The following MTA1 variants were observed in gnomAD, a reference collection of about 807,000 sequenced individuals.
The protein encoded by MTA1 is metastasis-associated protein MTA1.
In MTA1, 15 loss-of-function variants were observed where a neutral mutation model predicts 97.0. The observed-to-expected ratio is 0.15, with a 90% CI of 0.10 to 0.24. MTA1 has a LOEUF of 0.24. Ranked by LOEUF, MTA1 falls within the 10% of genes least tolerant of loss-of-function variation. The pLI is 1.00. For missense variants in MTA1, 709 were observed against 1,015.1 expected, an observed-to-expected ratio of 0.70 and a Z score of 4.10; for synonymous variants, 435 against 417.5, an observed-to-expected ratio of 1.04 and a Z score of -0.51.
chr14:105,450,040 G>T lies in MTA1; in HGVS notation c.242-18G>T. 2 of 1,613,400 alleles carry T rather than the reference G, an allele frequency of 1.2e-6. No homozygotes were observed. The highest frequency in any genetic ancestry group is 8.5e-7 in the Non-Finnish European group (1 of 1,179,848). On this transcript the variant is annotated intron_variant, in intron 4 of 20. Transcript: ENST00000331320. ...TGTGCGTCTGCCGCGGTGCTGACAGGGGCTCCTTGTCCTTCAGGGGAAATA... is the reference window on the plus strand; with the variant it reads ...TGTGCGTCTGCCGCGGTGCTGACAGTGGCTCCTTGTCCTTCAGGGGAAATA...
intron 18 of MTA1, chr14:105,469,051 C>T: frequency 2.4e-6 from 1 of 414,566 alleles, no homozygotes; most frequent in Non-Finnish European, 4.9e-6. Context: ...AGGAAAAAGC[C>T]CGGCCTCCTG....
Position 105,464,052 on chromosome 14 carries a change from A to T in MTA1, c.1097A>T (p.Gln366Leu). The part of the protein sequence containing the change: ...IPNYNKPNPN[Q>L]ISVNNVKAGV... ...TTAAGTAACAAGCCAAATCCGAACC[A>T]AATCAGCGTCAACAACGTCAAGGCC... Residue 366 changes from glutamine (Q) to leucine (L), a missense_variant, in exon 13 of 21, where the codon CAA (glutamine) becomes CTA (leucine). Physicochemically the swap from Gln to Leu is moderately radical, Grantham distance 113 (BLOSUM62 -2). Around this residue, in one of 2 missense-constraint regions of MTA1, gnomAD observed 321 missense variants for 593.5 expected, o/e 0.54. Transcript: ENST00000331320. 7 of 1,612,614 alleles carry T rather than the reference A, an allele frequency of 4.3e-6. No individual in the cohort carries two copies. The highest frequency in any genetic ancestry group is 5.9e-6 in the Non-Finnish European group (7 of 1,179,792).
chr14:105,421,175 C>G (rs587606082), intron 1 of MTA1, among the ~76,000 whole-genome samples: 76 of 152,282 alleles, frequency 5.0e-4, no homozygotes, highest in African/African-American at 1.8e-3. Flanking sequence ...CAGCTCTGGG[C>G]CTCCCCTGTC....
At chr14:105,435,430 A>G (rs1166485588) in intron 1 of MTA1, among the ~76,000 whole-genome samples, 3 of 152,184 alleles carry the variant, frequency 2.0e-5, no homozygotes, top group Non-Finnish European at 4.4e-5. Context: ...GACTACAGGC[A>G]CATGCTACCA....
intron 1 of MTA1, among the ~76,000 whole-genome samples, chr14:105,421,917 A>G (rs1163976048): frequency 1.3e-5 from 2 of 152,194 alleles, no homozygotes; most frequent in Non-Finnish European, 2.9e-5. Context: ...CAGTGCTGTG[A>G]GGGTGGGTGG....
At chr14:105,447,646 G>A (rs1206807351) in intron 3 of MTA1, among the ~76,000 whole-genome samples, 6 of 152,140 alleles carry the variant, frequency 3.9e-5, no homozygotes, top group Admixed American at 6.5e-5. Flanking sequence ...CCCTTTGGAC[G>A]GTGCTCCCTG....
At chr14:105,432,636 T>G (rs1482283284) in intron 1 of MTA1, among the ~76,000 whole-genome samples, 1 of 152,220 alleles carries the variant, frequency 6.6e-6, no homozygotes, top group East Asian at 1.9e-4. Context: ...GGAAACTAGT[T>G]TTTGCTGCAT....
chr14:105,423,797 T>A (rs2081925842), intron 1 of MTA1, among the ~76,000 whole-genome samples: 1 of 152,224 alleles, frequency 6.6e-6, no homozygotes, highest in Non-Finnish European at 1.5e-5. Flanking sequence ...TTAAACTTTA[T>A]TGCTCTATAT....
chr14:105,423,634 G>A (rs781958659), intron 1 of MTA1, among the ~76,000 whole-genome samples: 20 of 152,238 alleles, frequency 1.3e-4, no homozygotes, highest in Admixed American at 2.0e-4. Flanking sequence ...CTGCAGGGCC[G>A]CGGGCTCTGC....
intron 1 of MTA1, among the ~76,000 whole-genome samples, chr14:105,433,612 C>T (rs2082246559): frequency 6.6e-6 from 1 of 152,096 alleles, no homozygotes; most frequent in African/African-American, 2.4e-5. Context: ...CTTAGAGCCA[C>T]GCACCTGGGG....
chr14:105,436,671 A>G (rs1208748948), intron 1 of MTA1, among the ~76,000 whole-genome samples: 1 of 152,084 alleles, frequency 6.6e-6, no homozygotes, highest in African/African-American at 2.4e-5. Context: ...GGAGTCTTCC[A>G]TCAAGTGGAT....
At chr14:105,462,493 C>T (rs2083395099) in intron 10 of MTA1, among the ~76,000 whole-genome samples, 1 of 151,802 alleles carries the variant, frequency 6.6e-6, no homozygotes, top group South Asian at 2.1e-4. Context: ...CACTTGAACC[C>T]CCGGGGGTGG....
intron 1 of MTA1, among the ~76,000 whole-genome samples, chr14:105,435,076 C>A (rs587750243): frequency 6.6e-6 from 1 of 152,330 alleles, no homozygotes; most frequent in African/African-American, 2.4e-5. Context: ...GCCCTTTTCT[C>A]ACCACTGAGG....
intron 3 of MTA1, among the ~76,000 whole-genome samples, chr14:105,447,769 G>C (rs587739400): frequency 6.6e-6 from 1 of 152,344 alleles, no homozygotes; most frequent in Admixed American, 6.5e-5. Context: ...CTCAGAGCGC[G>C]GCCCCACTCT....
In MTA1 at chr14:105,463,662, A is replaced by C; in HGVS notation, c.1076+111A>C. The C allele has an allele frequency of 8.6e-7, 1 of 1,161,972 alleles. No individual in the cohort carries two copies. Among genetic ancestry groups the C allele is most frequent in the East Asian group, 2.4e-5 (1 of 42,446 alleles). The allele number at this position is 1,161,972 out of a possible 1,614,324, so 72.0% of individuals were successfully genotyped here. A position where few individuals can be genotyped will look rare whatever the true frequency, so the allele number is the denominator to read the frequency against. On this transcript the variant is annotated intron_variant, in intron 12 of 20. Transcript: ENST00000331320. This position sits in a 1 kb window ranked among gnomAD's most constrained non-coding sequence, Gnocchi z 5.9. The stretch of plus-strand genomic sequence containing the variant: ...AGGAAACTCAAGCTCAGAGGCTGGG[A>C]AAGTTGGGGCAGCCCCCGGGAGGGC...
At chr14:105,443,772 C>A (rs587754498) in intron 2 of MTA1, among the ~76,000 whole-genome samples, 11 of 152,294 alleles carry the variant, frequency 7.2e-5, no homozygotes, top group Admixed American at 5.9e-4. Flanking sequence ...TGTGGTGAAA[C>A]CCCGTCTCTA....
intron 3 of MTA1, 116 bp from the exon 4 acceptor site, chr14:105,449,243 G>A (rs1163655741): frequency 5.8e-6 from 6 of 1,033,000 alleles, no homozygotes; most frequent in African/African-American, 3.3e-5. Context: ...GGAGGCCTGC[G>A]GCCCCCGTTC....
At chr14:105,443,273 G>A (rs916310203) in intron 2 of MTA1, among the ~76,000 whole-genome samples, 1 of 152,178 alleles carries the variant, frequency 6.6e-6, no homozygotes, top group East Asian at 1.9e-4. Context: ...AAGGGGAGAG[G>A]AGATGCACGT....
At chr14:105,429,720 TG>T in intron 1 of MTA1, among the ~76,000 whole-genome samples, 1 of 146,950 alleles carries the variant, frequency 6.8e-6, no homozygotes. Context: ...CCCGAAGTGC[TG>T]GGATTACAGA....
Sources: gnomAD v4.1 joint callset for allele counts (sites outside exome capture counted in the v4.1 genomes callset) on GRCh38, gnomAD v4.1.1 for gene constraint, gnomAD v4.1.1 regional missense constraint, Gnocchi (gnomAD v3.1) non-coding constraint, MANE v1.5 for transcripts, NCBI Gene and HGNC (gene_info 2026-07-23, HGNC 2026-07-21) for gene names.